UNC13C: variants seen among roughly 807,000 people sequenced by gnomAD.
The protein encoded by UNC13C is protein unc-13 homolog C.
A neutral mutation model predicts 245.4 loss-of-function variants in UNC13C; 174 were observed. The ratio of observed to expected loss-of-function variants is 0.71; its 90% CI spans 0.63 to 0.80. The LOEUF is 0.80. Among genes scored for constraint, UNC13C ranks in the 30% least tolerant of loss-of-function variants. The pLI is 0.00. For synonymous variants in UNC13C, 992 were observed against 895.1 expected (o/e 1.11, Z -1.93); for missense variants, 2,829 against 2,602.9 (o/e 1.09, Z -1.89).
intron 10 of UNC13C, among the ~76,000 whole-genome samples, chr15:54,278,767 T>C (rs779230354): frequency 6.6e-6 from 1 of 152,148 alleles, no homozygotes; most frequent in Non-Finnish European, 1.5e-5. Context: ...CATGTGAAAT[T>C]CTTGACATTT....
intron 30 of UNC13C, among the ~76,000 whole-genome samples, chr15:54,616,408 T>C (rs1227685769): frequency 6.6e-6 from 1 of 152,028 alleles, no homozygotes; most frequent in African/African-American, 2.4e-5. Context: ...GTGGTAATGA[T>C]GGTGTAAATA....
chr15:54,081,785 A>G (rs1283679733), intron 2 of UNC13C, among the ~76,000 whole-genome samples: 3 of 152,130 alleles, frequency 2.0e-5, no homozygotes, highest in Non-Finnish European at 4.4e-5. Flanking sequence ...TAAGCTACTT[A>G]CTTTCAAGGT....
chr15:54,526,295 A>G (rs1247140857), intron 25 of UNC13C, among the ~76,000 whole-genome samples: 1 of 152,180 alleles, frequency 6.6e-6, no homozygotes, highest in East Asian at 1.9e-4. Context: ...AAAATCTATC[A>G]CCTCATCAAA....
intron 13 of UNC13C, among the ~76,000 whole-genome samples, chr15:54,308,134 T>C (rs1357409863): frequency 2.0e-5 from 3 of 152,064 alleles, no homozygotes; most frequent in East Asian, 3.9e-4. Context: ...AAGTCATTTC[T>C]AGTCTTTGAA....
chr15:54,089,527 G>T (rs766647542), intron 2 of UNC13C, among the ~76,000 whole-genome samples: 2 of 152,118 alleles, frequency 1.3e-5, no homozygotes, highest in African/African-American at 4.8e-5. Context: ...GTCTGTCATC[G>T]TATGTGCATG....
At chr15:54,624,396 A>C (rs1901006382) in intron 32 of UNC13C, among the ~76,000 whole-genome samples, 1 of 59,534 alleles carries the variant, frequency 1.7e-5, no homozygotes, top group Non-Finnish European at 2.8e-5. Flanking sequence ...ATTTCAGACA[A>C]AGTGAAATAA....
chr15:54,273,120 G>C (rs2036732219), intron 10 of UNC13C, among the ~76,000 whole-genome samples: 1 of 152,190 alleles, frequency 6.6e-6, no homozygotes, highest in African/African-American at 2.4e-5. Context: ...TCAGAGGAAA[G>C]AGAACCCTCT....
chr15:54,373,385 C>A (rs1418921873), intron 17 of UNC13C, among the ~76,000 whole-genome samples: 1 of 152,138 alleles, frequency 6.6e-6, no homozygotes, highest in Non-Finnish European at 1.5e-5. Flanking sequence ...GTGCTACTGG[C>A]CTGGATCCCA....
intron 30 of UNC13C, among the ~76,000 whole-genome samples, chr15:54,576,185 A>G (rs1897949085): frequency 1.3e-5 from 2 of 152,228 alleles, no homozygotes; most frequent in Admixed American, 1.3e-4. Context: ...CACGATGTGT[A>G]AAGATTTTAC....
intron 18 of UNC13C, among the ~76,000 whole-genome samples, chr15:54,399,622 AG>A (rs2040140872): frequency 6.6e-6 from 1 of 151,524 alleles, no homozygotes; most frequent in African/African-American, 2.4e-5. Context: ...AAGTGTAGAT[AG>A]CAGAAAGTAT....
At chr15:53,946,415 C>T in the UNC13C span, among the ~76,000 whole-genome samples, 19 of 150,612 alleles carry the variant, frequency 1.3e-4, no homozygotes, top group Non-Finnish European at 2.5e-4. Context: ...AGGCATATTC[C>T]TCCAATACCT....
chr15:54,346,242 G>A (rs907437), intron 17 of UNC13C, among the ~76,000 whole-genome samples: 152,004 of 152,118 alleles, frequency 1, 75,946 homozygotes, highest in Middle Eastern at 1. Flanking sequence ...AACATTTAAA[G>A]AAAAAGGCAG....
the UNC13C span, among the ~76,000 whole-genome samples, chr15:53,889,435 G>C: frequency 6.6e-6 from 1 of 152,308 alleles, no homozygotes; most frequent in East Asian, 1.9e-4. Flanking sequence ...TTGCTTATGA[G>C]TTTAAGGAGA....
chr15:53,976,475 C>CTTTTTTTTTTTTTTTTTTTTTTTTTT (rs879775519), upstream of UNC13C, among the ~76,000 whole-genome samples: 2 of 63,738 alleles, frequency 3.1e-5, no homozygotes, highest in African/African-American at 4.8e-5. Flanking sequence ...CTCTCTCTCT[C>CTTTTTTTTTTTTTTTTTTTTTTTTTT]TCTTTTTTTT....
intron 10 of UNC13C, among the ~76,000 whole-genome samples, chr15:54,289,169 G>A (rs758467480): frequency 1.3e-5 from 2 of 152,010 alleles, no homozygotes; most frequent in Non-Finnish European, 2.9e-5. Context: ...CAGGACACTA[G>A]CACATGACCC....
chr15:54,207,290 G>A (rs1009975844), intron 4 of UNC13C, among the ~76,000 whole-genome samples: 5 of 152,092 alleles, frequency 3.3e-5, no homozygotes, highest in Admixed American at 1.3e-4. Context: ...CCCTCAAGGT[G>A]AGGGAGTTCT....
intron 2 of UNC13C, among the ~76,000 whole-genome samples, chr15:54,024,701 G>A (rs1374652200): frequency 6.6e-6 from 1 of 152,016 alleles, no homozygotes; most frequent in Non-Finnish European, 1.5e-5. Context: ...GGCGGATCAC[G>A]AGGTCAGGAT....
At chr15:54,622,294 A>G (rs1900843945) in intron 30 of UNC13C, 33 bp from the exon 31 acceptor site, 1 of 1,460,624 alleles carries the variant, frequency 6.8e-7, no homozygotes, top group Non-Finnish European at 9.6e-7. Context: ...TGAGTCTGAA[A>G]GCTCAGGCCA....
intron 30 of UNC13C, among the ~76,000 whole-genome samples, chr15:54,595,136 G>T (rs181851514): frequency 6.6e-6 from 1 of 152,240 alleles, no homozygotes; most frequent in Admixed American, 6.5e-5. Flanking sequence ...TAACTTATCG[G>T]GACTGATACA....
Sources: gnomAD v4.1 joint callset for allele counts (sites outside exome capture counted in the v4.1 genomes callset) on GRCh38, gnomAD v4.1.1 for gene constraint, MANE v1.5 for transcripts, NCBI Gene and HGNC (gene_info 2026-07-23, HGNC 2026-07-21) for gene names.